The following AASDHPPT variants were observed in gnomAD, a reference collection of about 807,000 sequenced individuals.
AASDHPPT encodes the protein aminoadipate-semialdehyde dehydrogenase-phosphopantetheinyl transferase, also known as L-aminoadipate-semialdehyde dehydrogenase-phosphopantetheinyl transferase.
In AASDHPPT, 23 loss-of-function variants were observed where a neutral mutation model predicts 36.4. The observed-to-expected ratio is 0.63, with a 90% CI of 0.45 to 0.89. AASDHPPT has a LOEUF of 0.89. Among genes scored for constraint, AASDHPPT ranks in the 40% least tolerant of loss-of-function variants. The pLI is 0.00. For missense variants in AASDHPPT, 377 were observed against 378.2 expected, an observed-to-expected ratio of 1.00 and a Z score of 0.03; for synonymous variants, 115 against 128.0, an observed-to-expected ratio of 0.90 and a Z score of 0.68.
chr11:106,087,639 T>G (rs1307174025), intron 2 of AASDHPPT, among the ~76,000 whole-genome samples: 2 of 152,184 alleles, frequency 1.3e-5, no homozygotes. Flanking sequence ...TTCTGGATTT[T>G]TTTCCGTAGG....
Position 106,077,758 on chromosome 11 carries a change from C to T in AASDHPPT, c.48C>T (p.Gly16=). 1 of 1,614,142 alleles carries T rather than the reference C, an allele frequency of 6.2e-7. No individual in the cohort carries two copies. The change falls in exon 1 of 6, where the codon GGC becomes GGT. Residue 16 remains glycine, a synonymous_variant. Transcript: ENST00000278618. ...KRFCLVPSME[G]VRWAFSCGTW... is the part of the protein sequence containing the mutation. ...TCTGCTTGGTGCCATCCATGGAGGG[C>T]GTGCGCTGGGCCTTTTCCTGCGGCA...
chr11:106,095,580 C>A (rs996173919), intron 5 of AASDHPPT, among the ~76,000 whole-genome samples: 2 of 152,092 alleles, frequency 1.3e-5, no homozygotes, highest in South Asian at 4.1e-4. Flanking sequence ...TTAAGGAAAA[C>A]GTATGTTTTA....
rs1029765899 is a variant in AASDHPPT at position 106,098,558 on chromosome 11, A to T, written c.*1651A>T. 3 of 151,814 alleles carry T rather than the reference A, an allele frequency of 2.0e-5. No individual in the cohort carries two copies. The highest frequency in any genetic ancestry group is 7.2e-5 in the African/African-American group (3 of 41,406). 9.4% of individuals were successfully genotyped at this position (151,814 alleles called of 1,614,324 possible). ...TTTATTTTATTAAGCATGCCCAGTT[A>T]TGCCAAGCATAGTAAATAAAGGTCA... On this transcript the variant is annotated 3_prime_UTR_variant, in exon 6 of 6. Transcript: ENST00000278618.
At position 106,078,326 on chromosome 11, in the gene AASDHPPT, G is replaced by A. The variant is rs7128149; in HGVS notation, c.183+433G>A. ...ATTCTCCAAGGACTCCCTGCACGTG[G>A]TAGGCCCTAGAAATTATTGACAGTA... On this transcript the variant is annotated intron_variant, in intron 1 of 5. Transcript: ENST00000278618. Among the ~76,000 whole-genome samples, 1,503 of 152,202 alleles carry A rather than the reference G, an allele frequency of 9.9e-3. 17 individuals are homozygous for A. The highest frequency in any genetic ancestry group is 0.034 in the Middle Eastern group (10 of 294).
At chr11:106,079,817 C>A in intron 2 of AASDHPPT, 125 bp downstream of exon 2, 1 of 773,678 alleles carries the variant, frequency 1.3e-6, no homozygotes, top group Non-Finnish European at 2.1e-6. Flanking sequence ...GTGCTTAGTA[C>A]ACAAAGGTAA....
At chr11:106,085,124 G>T (rs978082970) in intron 2 of AASDHPPT, among the ~76,000 whole-genome samples, 15 of 151,142 alleles carry the variant, frequency 9.9e-5, no homozygotes, top group African/African-American at 3.2e-4. Context: ...TTTTTTTTGA[G>T]ACAGTCTTGC....
At chr11:106,093,360 A>C (rs1293124706) in intron 4 of AASDHPPT, 2 of 152,210 alleles carry the variant, frequency 1.3e-5, no homozygotes, top group Non-Finnish European at 2.9e-5. Flanking sequence ...ACTATATCTT[A>C]TATGCTAAAT....
chr11:106,089,969 C>G (rs1452042360), intron 2 of AASDHPPT, among the ~76,000 whole-genome samples: 1 of 151,894 alleles, frequency 6.6e-6, no homozygotes, highest in African/African-American at 2.4e-5. Context: ...TATTAGAAAA[C>G]AAGTTGGAAA....
chr11:106,091,226 CATTGAA>C, intron 3 of AASDHPPT, 84 bp from the exon 4 acceptor site: 1 of 1,103,848 alleles, frequency 9.1e-7, no homozygotes, highest in Non-Finnish European at 1.3e-6. Flanking sequence ...TGTAGTATAG[CATTGAA>C]ACTCCCTATC....
intron 3 of AASDHPPT, 115 bp downstream of exon 3, chr11:106,090,793 T>G: frequency 7.4e-7 from 1 of 1,353,484 alleles, no homozygotes; most frequent in Non-Finnish European, 9.8e-7. Flanking sequence ...AGTAAATGGG[T>G]GATTGCTTGA....
intron 5 of AASDHPPT, among the ~76,000 whole-genome samples, chr11:106,095,022 G>A (rs1223044732): frequency 6.6e-6 from 1 of 152,074 alleles, no homozygotes; most frequent in Non-Finnish European, 1.5e-5. Flanking sequence ...CTACTCAGGA[G>A]GTCTGAGACA....
intron 1 of AASDHPPT, among the ~76,000 whole-genome samples, chr11:106,078,312 A>T (rs998221066): frequency 1.3e-5 from 2 of 151,736 alleles, no homozygotes; most frequent in Admixed American, 1.3e-4. Context: ...TTCTCCAAGG[A>T]CTCCCTGCAC....
chr11:106,077,706 A>G lies in AASDHPPT; in HGVS notation c.-5A>G, dbSNP rs778921879. ...CGAGATAGCGGCGAGGTCCGCTTTC[A>G]GTGTATGGTTTTCCCTGCCAAACGG... is the stretch of plus-strand genomic sequence containing the variant. On this transcript the variant is annotated 5_prime_UTR_variant, in exon 1 of 6. Coordinates refer to ENST00000278618, the MANE Select transcript of AASDHPPT (RefSeq NM_015423.3). The G allele has an allele frequency of 4.4e-6, 7 of 1,608,516 alleles. No homozygotes were observed. The highest frequency in any genetic ancestry group is 1.7e-4 in the Middle Eastern group (1 of 5,990).
At chr11:106,078,665 T>A (rs1415295377) in intron 1 of AASDHPPT, among the ~76,000 whole-genome samples, 1 of 152,224 alleles carries the variant, frequency 6.6e-6, no homozygotes, top group East Asian at 1.9e-4. Flanking sequence ...TGGTGAAAAT[T>A]TTTTACTCAT....
chr11:106,086,498 A>G lies in AASDHPPT; in HGVS notation c.410-4059A>G, dbSNP rs1355475111. The G allele has an allele frequency of 2.6e-5, 4 of 152,444 alleles. No homozygotes were observed. The East Asian group carries it at 5.8e-4, about 22-fold the overall frequency. The allele number at this position is 152,444 out of a possible 1,614,324, so 9.4% of individuals were successfully genotyped here. A position where few individuals can be genotyped will look rare whatever the true frequency, so the allele number is the denominator to read the frequency against. On this transcript the variant is annotated intron_variant, in intron 2 of 5. Transcript: ENST00000278618. ...TCACATTCTAAGGTTCTGGGTGGAC[A>G]TGAATTTCAGGAGACACCCTTCAAC... is the stretch of plus-strand genomic sequence containing the variant.
At chr11:106,085,336 C>T (rs1241289450) in intron 2 of AASDHPPT, among the ~76,000 whole-genome samples, 2 of 150,938 alleles carry the variant, frequency 1.3e-5, no homozygotes, top group African/African-American at 2.4e-5. Context: ...CTCCTGACCT[C>T]GTGATCTACC....
intron 5 of AASDHPPT, among the ~76,000 whole-genome samples, chr11:106,095,200 C>T (rs1861301145): frequency 6.6e-6 from 1 of 152,234 alleles, no homozygotes. Context: ...TATGGTAGTA[C>T]TATCATGCTA....
chr11:106,089,264 A>G (rs1861230726), intron 2 of AASDHPPT, among the ~76,000 whole-genome samples: 1 of 152,024 alleles, frequency 6.6e-6, no homozygotes, highest in Non-Finnish European at 1.5e-5. Flanking sequence ...AGAAATGCCC[A>G]TAGAGTGTGT....
intron 5 of AASDHPPT, 136 bp downstream of exon 5, chr11:106,094,790 T>C (rs1247007552): frequency 1.8e-6 from 1 of 554,646 alleles, no homozygotes. Flanking sequence ...GTAGTACTCT[T>C]TATTAGCAAA....
Sources: allele counts gnomAD v4.1 joint callset (sites outside exome capture counted in the v4.1 genomes callset), GRCh38; gene constraint gnomAD v4.1.1; transcripts MANE v1.5; gene names NCBI Gene and HGNC (gene_info 2026-07-23, HGNC 2026-07-21).